The following SND1 variants were observed in gnomAD, a reference collection of about 807,000 sequenced individuals.
SND1 encodes staphylococcal nuclease and tudor domain containing 1.
In SND1, 38 loss-of-function variants were observed where a neutral mutation model predicts 121.7. The ratio of observed to expected loss-of-function variants is 0.31; its 90% CI spans 0.24 to 0.41. SND1 has a LOEUF of 0.41. Among genes scored for constraint, SND1 ranks in the 10% least tolerant of loss-of-function variants. The pLI is 1.00. For synonymous variants in SND1, 401 were observed against 447.4 expected, an observed-to-expected ratio of 0.90 and a Z score of 1.31; for missense variants, 868 against 1,184.6, an observed-to-expected ratio of 0.73 and a Z score of 3.92.
chr7:127,957,546 A>G (rs1033862684), intron 15 of SND1, among the ~76,000 whole-genome samples: 4 of 152,150 alleles, frequency 2.6e-5, no homozygotes, highest in African/African-American at 7.2e-5. Flanking sequence ...CTTGTTATGT[A>G]CCTTTTAAAT....
At chr7:127,743,218 C>G (rs913633924) in intron 10 of SND1, among the ~76,000 whole-genome samples, 1 of 152,206 alleles carries the variant, frequency 6.6e-6, no homozygotes, top group African/African-American at 2.4e-5. Flanking sequence ...GTGTCCAAAT[C>G]CCACAAACCT....
chr7:127,752,346 A>G (rs1011403492), intron 10 of SND1, among the ~76,000 whole-genome samples: 1 of 152,170 alleles, frequency 6.6e-6, no homozygotes, highest in African/African-American at 2.4e-5. Context: ...GCTTATGTTC[A>G]TCAGCAGTTC....
intron 10 of SND1, among the ~76,000 whole-genome samples, chr7:127,766,815 A>G (rs1426052044): frequency 9.3e-6 from 1 of 107,040 alleles, no homozygotes; most frequent in Non-Finnish European, 2.0e-5. Context: ...TTTTTTTCTT[A>G]TCTTACCGTC....
At chr7:127,860,048 A>G (rs79618522) in intron 12 of SND1, among the ~76,000 whole-genome samples, 1 of 152,262 alleles carries the variant, frequency 6.6e-6, no homozygotes, top group Non-Finnish European at 1.5e-5. Flanking sequence ...GGAGGGGCCA[A>G]TGGGGAGATG....
chr7:127,806,544 A>G (rs1798242351), intron 10 of SND1, among the ~76,000 whole-genome samples: 2 of 152,152 alleles, frequency 1.3e-5, no homozygotes, highest in Admixed American at 6.5e-5. Flanking sequence ...CTATCCTGCA[A>G]ACTCATATTA....
At chr7:127,879,968 G>C (rs1315716580) in intron 12 of SND1, among the ~76,000 whole-genome samples, 1 of 152,190 alleles carries the variant, frequency 6.6e-6, no homozygotes, top group Non-Finnish European at 1.5e-5. Context: ...TATCAGTGAA[G>C]TAGTAGTTCC....
chr7:127,684,718 G>C (rs73723032), intron 1 of SND1, among the ~76,000 whole-genome samples: 2,598 of 152,224 alleles, frequency 0.017, 93 homozygotes, highest in African/African-American at 0.059. Context: ...TTTAATTGCT[G>C]ATAACAGGAT....
chr7:127,935,791 C>G (rs1801048840), intron 15 of SND1, among the ~76,000 whole-genome samples: 1 of 152,196 alleles, frequency 6.6e-6, no homozygotes, highest in South Asian at 2.1e-4. Flanking sequence ...CTGGAAATGT[C>G]TCTTTGCAGT....
chr7:127,735,194 A>G (rs1408723839), intron 10 of SND1, among the ~76,000 whole-genome samples: 1 of 152,108 alleles, frequency 6.6e-6, no homozygotes, highest in African/African-American at 2.4e-5. Context: ...ATTGCCTCCA[A>G]AAGTGCCACC....
intron 16 of SND1, among the ~76,000 whole-genome samples, chr7:128,035,717 G>A (rs527869601): frequency 1.2e-4 from 19 of 152,316 alleles, no homozygotes; most frequent in African/African-American, 3.4e-4. Context: ...TTGCTGGATT[G>A]GGATAAAGAA....
At chr7:127,867,887 T>G (rs1182023254) in intron 12 of SND1, among the ~76,000 whole-genome samples, 3 of 125,690 alleles carry the variant, frequency 2.4e-5, no homozygotes, top group African/African-American at 9.4e-5. Context: ...CTGGTTCTCA[T>G]TCACCATTCC....
chr7:127,712,576 C>A (rs1402486880), intron 9 of SND1, among the ~76,000 whole-genome samples: 1 of 152,180 alleles, frequency 6.6e-6, no homozygotes, highest in Non-Finnish European at 1.5e-5. Context: ...TGAGTCTTGG[C>A]AGATTAGGGA....
At chr7:127,685,352 T>C (rs1402567816) in intron 1 of SND1, among the ~76,000 whole-genome samples, 3 of 152,184 alleles carry the variant, frequency 2.0e-5, no homozygotes, top group Non-Finnish European at 4.4e-5. Context: ...CATGGTCTTG[T>C]CTAAACAGTG....
At chr7:127,927,193 G>C (rs1027744474) in intron 14 of SND1, among the ~76,000 whole-genome samples, 1 of 152,190 alleles carries the variant, frequency 6.6e-6, no homozygotes, top group Non-Finnish European at 1.5e-5. Flanking sequence ...AGGCATGCCT[G>C]TGTGTGTGCC....
intron 22 of SND1, 87 bp from the exon 23 acceptor site, chr7:128,091,750 G>A: frequency 7.2e-7 from 1 of 1,395,178 alleles, no homozygotes; most frequent in Non-Finnish European, 1.0e-6. Context: ...GAGAGCTCTG[G>A]CGCTTACCTA....
chr7:127,661,625 GTCC>G (rs1795312959), intron 1 of SND1, among the ~76,000 whole-genome samples: 1 of 152,086 alleles, frequency 6.6e-6, no homozygotes. Flanking sequence ...GTCTTACGAA[GTCC>G]TTATGATTAG....
chr7:128,017,359 G>C (rs1415295966), intron 16 of SND1, among the ~76,000 whole-genome samples: 3 of 152,208 alleles, frequency 2.0e-5, no homozygotes, highest in Non-Finnish European at 4.4e-5. Context: ...CTTGCTACCA[G>C]GATGTCCAGG....
intron 16 of SND1, among the ~76,000 whole-genome samples, chr7:127,992,461 A>G (rs1386994208): frequency 6.6e-6 from 1 of 152,210 alleles, no homozygotes; most frequent in Non-Finnish European, 1.5e-5. Context: ...ATGAACTGCA[A>G]AGTAACTATG....
intron 10 of SND1, among the ~76,000 whole-genome samples, chr7:127,792,202 C>CT (rs767517251): frequency 1.1e-3 from 172 of 152,094 alleles, no homozygotes; most frequent in Admixed American, 2.9e-3. Context: ...GTACTAGTTC[C>CT]TTTTTTATTG....
Sources: allele counts gnomAD v4.1 joint callset (sites outside exome capture counted in the v4.1 genomes callset), GRCh38; gene constraint gnomAD v4.1.1; transcripts MANE v1.5; gene names NCBI Gene and HGNC (gene_info 2026-07-23, HGNC 2026-07-21).